Variants in ZNF503 observed in about 807,000 individuals in gnomAD.
The protein encoded by ZNF503 is zinc finger protein 503, also known as NocA-like zinc finger 2.
A neutral mutation model predicts 34.4 loss-of-function variants in ZNF503; 15 were observed. The observed-to-expected ratio is 0.44, with a 90% CI of 0.29 to 0.67. The LOEUF is 0.67. Ranked by LOEUF, ZNF503 falls within the 30% of genes least tolerant of loss-of-function variation. The pLI, the probability that ZNF503 is intolerant of heterozygous loss-of-function variation, is 0.13. For missense variants in ZNF503, 1,007 were observed against 926.8 expected (o/e 1.09, Z -1.12); for synonymous variants, 580 against 456.8 (o/e 1.27, Z -3.44).
At position 75,400,116 on chromosome 10, in the gene ZNF503, C is replaced by A; in HGVS notation, c.574G>T (p.Gly192Cys). 2 of 1,548,130 alleles carry A rather than the reference C, an allele frequency of 1.3e-6. No homozygotes were observed. Among genetic ancestry groups the A allele is most frequent in the Non-Finnish European group, 1.7e-6 (2 of 1,146,508 alleles). Residue 192 changes from glycine (G) to cysteine (C), a missense_variant, in exon 2 of 2, where the codon GGT becomes TGT. Physicochemically the swap from Gly to Cys is radical, Grantham distance 159. Coordinates refer to ENST00000372524, the MANE Select transcript of ZNF503 (RefSeq NM_032772.6). Reference protein sequence around the residue: ...GSDKKEPGGGGGGGGGGGGGG... With the variant: ...GSDKKEPGGGCGGGGGGGGGG... ...CCCCCGCCACCGCCACCGCCTCCAC[C>A]GCCGCCTCCCGGCTCCTTCTTATCC...
the ZNF503 span, among the ~76,000 whole-genome samples, chr10:75,318,817 A>G: frequency 1.2e-3 from 181 of 152,308 alleles, no homozygotes; most frequent in Non-Finnish European, 1.3e-3. Context: ...GTAAGCAAAA[A>G]TATGTAAAAA....
rs928954397 is a variant in ZNF503, at chr10:75,398,265, G to T, written c.*484C>A. The stretch of plus-strand genomic sequence containing the variant: ...TTAAAGAGAAGACCTCTAGTTCTGT[G>T]GCGGTTTTGCTTTTATTTATAATCT... On this transcript the variant is annotated 3_prime_UTR_variant, in exon 2 of 2. Transcript: ENST00000372524. 6.5e-6 allele frequency: 1 copy of T among 153,850 alleles called. No individual in the cohort carries two copies. Among genetic ancestry groups the T allele is most frequent in the African/African-American group, 2.4e-5 (1 of 41,428 alleles). The allele number at this position is 153,850 out of a possible 1,614,324, so 9.5% of individuals were successfully genotyped here. A position where few individuals can be genotyped will look rare whatever the true frequency, so the allele number is the denominator to read the frequency against.
chr10:75,370,368 A>C, the ZNF503 span, among the ~76,000 whole-genome samples: 1 of 152,164 alleles, frequency 6.6e-6, no homozygotes, highest in African/African-American at 2.4e-5. Flanking sequence ...ATAGTGGGCT[A>C]TCTATTCTGG....
chr10:75,287,831 G>GT, the ZNF503 span, among the ~76,000 whole-genome samples: 1 of 152,186 alleles, frequency 6.6e-6, no homozygotes, highest in Non-Finnish European at 1.5e-5. Flanking sequence ...CTATCCCTGA[G>GT]TCTAGTTGCA....
chr10:75,324,212 T>C, the ZNF503 span, among the ~76,000 whole-genome samples: 4 of 152,270 alleles, frequency 2.6e-5, no homozygotes, highest in African/African-American at 9.6e-5. Flanking sequence ...GGATAATGCT[T>C]TTTTGGATCA....
the ZNF503 span, among the ~76,000 whole-genome samples, chr10:75,385,810 C>A: frequency 2.0e-4 from 30 of 152,098 alleles, no homozygotes; most frequent in Non-Finnish European, 3.1e-4. Flanking sequence ...GACTGTTCTT[C>A]ATAAACCTTC....
downstream of ZNF503, among the ~76,000 whole-genome samples, chr10:75,392,883 A>T (rs1339184403): frequency 6.6e-6 from 1 of 152,238 alleles, no homozygotes; most frequent in African/African-American, 2.4e-5. Context: ...ACTTAATTTG[A>T]GCCTCACTAC....
At chr10:75,386,462 G>A in the ZNF503 span, among the ~76,000 whole-genome samples, 4 of 152,180 alleles carry the variant, frequency 2.6e-5, no homozygotes, top group East Asian at 3.9e-4. Context: ...GATTTTCTTC[G>A]CCTTCCTGCT....
At chr10:75,360,305 T>C in the ZNF503 span, among the ~76,000 whole-genome samples, 1 of 151,850 alleles carries the variant, frequency 6.6e-6, no homozygotes, top group African/African-American at 2.4e-5. Flanking sequence ...TTGTATTTTT[T>C]TTAGTAGAGA....
chr10:75,304,314 C>G, the ZNF503 span, among the ~76,000 whole-genome samples: 1 of 152,170 alleles, frequency 6.6e-6, no homozygotes, highest in African/African-American at 2.4e-5. Context: ...TCAAATTAAT[C>G]TTGCTAGTTA....
chr10:75,313,910 G>A, the ZNF503 span, among the ~76,000 whole-genome samples: 1 of 152,182 alleles, frequency 6.6e-6, no homozygotes. Context: ...ACTCCTAAGA[G>A]GGAACAAGAG....
chr10:75,368,432 T>C, the ZNF503 span, among the ~76,000 whole-genome samples: 2 of 152,006 alleles, frequency 1.3e-5, no homozygotes, highest in African/African-American at 4.8e-5. Flanking sequence ...AATAGACAGA[T>C]AAGATGAAAG....
the ZNF503 span, among the ~76,000 whole-genome samples, chr10:75,280,967 T>C: frequency 6.6e-6 from 1 of 152,168 alleles, no homozygotes; most frequent in Non-Finnish European, 1.5e-5. Flanking sequence ...AGGGAACTTC[T>C]CTGCCTGGCT....
the ZNF503 span, among the ~76,000 whole-genome samples, chr10:75,331,634 G>A: frequency 6.6e-6 from 1 of 152,056 alleles, no homozygotes. Flanking sequence ...TGTTTTTAGA[G>A]ATGGGGTCTC....
the ZNF503 span, chr10:75,361,459 A>G: frequency 6.6e-6 from 1 of 152,306 alleles, no homozygotes; most frequent in South Asian, 2.1e-4. Flanking sequence ...TGTGAATTGA[A>G]CACCTAGTAT....
At chr10:75,333,331 G>A in the ZNF503 span, among the ~76,000 whole-genome samples, 1 of 51,980 alleles carries the variant, frequency 1.9e-5, no homozygotes, top group Non-Finnish European at 3.7e-5. Flanking sequence ...TGGGCAGAGG[G>A]GCTCCTCACT....
the ZNF503 span, among the ~76,000 whole-genome samples, chr10:75,296,197 C>A: frequency 3.9e-5 from 6 of 152,192 alleles, no homozygotes; most frequent in Admixed American, 1.3e-4. Context: ...GGAGAGGGGT[C>A]CCTGTCTCAG....
the ZNF503 span, among the ~76,000 whole-genome samples, chr10:75,376,748 A>G: frequency 6.6e-6 from 1 of 152,158 alleles, no homozygotes; most frequent in Non-Finnish European, 1.5e-5. Flanking sequence ...CAGGAATCTT[A>G]CAATCATGAC....
the ZNF503 span, among the ~76,000 whole-genome samples, chr10:75,292,160 G>A: frequency 6.6e-6 from 1 of 152,188 alleles, no homozygotes; most frequent in Non-Finnish European, 1.5e-5. Context: ...ATCAGAAAAG[G>A]CCATCACAGC....
Sources: gnomAD v4.1 joint callset for allele counts (sites outside exome capture counted in the v4.1 genomes callset) on GRCh38, gnomAD v4.1.1 for gene constraint, MANE v1.5 for transcripts, NCBI Gene and HGNC (gene_info 2026-07-23, HGNC 2026-07-21) for gene names.